The following SLC4A7 variants were observed in gnomAD, a reference collection of about 807,000 sequenced individuals.
The protein encoded by SLC4A7 is solute carrier family 4 member 7.
Under a neutral mutation model 137.6 loss-of-function variants are expected in SLC4A7, and 51 were observed. The observed-to-expected ratio is 0.37, with a 90% confidence interval of 0.30 to 0.47. The LOEUF (loss-of-function observed/expected upper bound fraction) is 0.47, where lower values mean the gene tolerates loss of function less well. SLC4A7 is among the 20% of genes least tolerant of loss of function. The pLI is 1.00. For synonymous variants in SLC4A7, 542 were observed against 518.6 expected (o/e 1.05, Z -0.61); for missense variants, 1,247 against 1,525.4 (o/e 0.82, Z 3.04).
At chr3:27,455,669 G>T (rs938696477) in intron 1 of SLC4A7, among the ~76,000 whole-genome samples, 1 of 148,014 alleles carries the variant, frequency 6.8e-6, no homozygotes, top group Middle Eastern at 3.3e-3. Flanking sequence ...CTTGAGGTCA[G>T]GAGTTCAAGA....
chr3:27,427,728 T>C (rs2055797520), intron 7 of SLC4A7, among the ~76,000 whole-genome samples: 1 of 152,188 alleles, frequency 6.6e-6, no homozygotes, highest in African/African-American at 2.4e-5. Context: ...CATGTATAGC[T>C]GTCCCTATTT....
intron 13 of SLC4A7, 88 bp downstream of exon 13, chr3:27,409,268 A>T: frequency 1.9e-6 from 2 of 1,065,740 alleles, no homozygotes; most frequent in Non-Finnish European, 2.7e-6. Flanking sequence ...AGACTCTTCA[A>T]ATAAAAGTAT....
At chr3:27,479,817 A>C (rs1229578899) in intron 1 of SLC4A7, among the ~76,000 whole-genome samples, 1 of 152,236 alleles carries the variant, frequency 6.6e-6, no homozygotes, top group Non-Finnish European at 1.5e-5. Context: ...TACAAATCAA[A>C]AGCTATACTG....
chr3:27,447,772 T>A (rs1007764537), intron 3 of SLC4A7, among the ~76,000 whole-genome samples: 1 of 151,292 alleles, frequency 6.6e-6, no homozygotes, highest in African/African-American at 2.4e-5. Context: ...TTGGTACCAC[T>A]AACTTCTCTG....
At chr3:27,421,836 A>G in intron 8 of SLC4A7, 57 bp from the exon 9 acceptor site, 1 of 1,369,924 alleles carries the variant, frequency 7.3e-7, no homozygotes, top group Non-Finnish European at 1.0e-6. Context: ...AAGACTAGAG[A>G]GAAACAGGAA....
Position 27,484,177 on chromosome 3 carries a change from T to G in SLC4A7, c.-51A>C. 7 of 1,227,408 alleles carry G rather than the reference T, an allele frequency of 5.7e-6. No individual in the cohort carries two copies. Among genetic ancestry groups the G allele is most frequent in the Non-Finnish European group, 7.2e-6 (7 of 977,730 alleles). 76.0% of individuals were successfully genotyped at this position (1,227,408 alleles called of 1,614,324 possible). A position where few individuals can be genotyped will look rare whatever the true frequency, so the allele number is the denominator to read the frequency against. ...CGCTACGGTACTGCCCCGCGCGGTC[T>G]GCCTGCTTCTGCCGCTGCCCCTGCC... is the stretch of plus-strand genomic sequence containing the variant. On this transcript the variant is annotated 5_prime_UTR_variant, in exon 1 of 26. Transcript: ENST00000454389.
chr3:27,449,330 A>G (rs1384541837), intron 2 of SLC4A7, among the ~76,000 whole-genome samples: 1 of 149,926 alleles, frequency 6.7e-6, no homozygotes, highest in Non-Finnish European at 1.5e-5. Context: ...TTTAATAACA[A>G]TTAAATACTT....
chr3:27,429,127 G>A (rs559137873), intron 7 of SLC4A7, among the ~76,000 whole-genome samples: 10 of 151,950 alleles, frequency 6.6e-5, no homozygotes, highest in South Asian at 2.1e-4. Context: ...TTAGCCAGGC[G>A]TGGTGGTGCA....
At chr3:27,426,393 G>C (rs57782526) in intron 7 of SLC4A7, among the ~76,000 whole-genome samples, 8,353 of 152,202 alleles carry the variant, frequency 0.055, 769 homozygotes, top group African/African-American at 0.19. Context: ...AAGTTAACCA[G>C]TGTTTTTCAG....
At chr3:27,466,664 T>TA (rs35870162) in intron 1 of SLC4A7, among the ~76,000 whole-genome samples, 24 of 151,982 alleles carry the variant, frequency 1.6e-4, no homozygotes, top group South Asian at 1.5e-3. Context: ...CCCGTCTCTA[T>TA]AAAAAAATAC....
intron 1 of SLC4A7, among the ~76,000 whole-genome samples, chr3:27,452,934 A>C (rs1399042728): frequency 2.0e-5 from 3 of 152,216 alleles, no homozygotes; most frequent in African/African-American, 7.2e-5. Flanking sequence ...GGTCAAACAT[A>C]AAATTGTCAA....
intron 1 of SLC4A7, among the ~76,000 whole-genome samples, chr3:27,463,354 C>T (rs1213631156): frequency 1.3e-5 from 2 of 152,018 alleles, no homozygotes; most frequent in African/African-American, 4.8e-5. Context: ...AGCGTGGACC[C>T]GGGAGGCGGA....
chr3:27,407,250 G>A (rs1009817764), intron 13 of SLC4A7, among the ~76,000 whole-genome samples: 4 of 151,804 alleles, frequency 2.6e-5, no homozygotes, highest in Non-Finnish European at 4.4e-5. Context: ...GGGAGGCTGA[G>A]GTGGGCAGAT....
intron 3 of SLC4A7, among the ~76,000 whole-genome samples, chr3:27,442,441 CTTT>C (rs68093589): frequency 2.5e-4 from 34 of 136,014 alleles, no homozygotes; most frequent in Admixed American, 5.1e-4. Flanking sequence ...AGCTCATTTT[CTTT>C]TTTTTTTTTT....
intron 7 of SLC4A7, among the ~76,000 whole-genome samples, chr3:27,429,457 C>T (rs753509849): frequency 2.6e-5 from 4 of 151,874 alleles, no homozygotes; most frequent in Admixed American, 2.0e-4. Flanking sequence ...AACATAAATC[C>T]GAGTCTGTAT....
At chr3:27,380,033 G>A (rs1290251158) in intron 24 of SLC4A7, among the ~76,000 whole-genome samples, 1 of 152,200 alleles carries the variant, frequency 6.6e-6, no homozygotes, top group Non-Finnish European at 1.5e-5. Flanking sequence ...AGTAGGCCGG[G>A]CATGGTGGCT....
rs560609471 is a variant in SLC4A7, at chr3:27,375,769, G to A, written c.*995C>T. ...GCTATTAAATGTAATCTACAAAAGTGAAAGAATAACATAAAGAGAAAATGA... is the reference window on the plus strand; with the variant it reads ...GCTATTAAATGTAATCTACAAAAGTAAAAGAATAACATAAAGAGAAAATGA... On this transcript the variant is annotated 3_prime_UTR_variant, in exon 26 of 26. Coordinates refer to ENST00000454389, the MANE Select transcript of SLC4A7 (RefSeq NM_001321103.2). 7.9e-5 allele frequency: 12 copies of A among 152,348 alleles called. No homozygotes were observed. Among genetic ancestry groups the A allele is most frequent in the Non-Finnish European group, 1.5e-4 (10 of 67,862 alleles). 9.4% of individuals were successfully genotyped at this position (152,348 alleles called of 1,614,324 possible).
Position 27,409,440 on chromosome 3 carries a change from G to A in SLC4A7, c.1857C>T (p.Ala619=). ...AGGCACAGTATAGGAAAAGAATCGA[G>A]GCCAGGCACTGCAGGCTTAATGCAT... ...FKDALSLQCL[A]SILFLYCACM... is the part of the protein sequence containing the mutation. Residue 619 remains alanine, a synonymous_variant, in exon 13 of 26, where the codon GCC becomes GCT. Transcript: ENST00000454389. The A allele has an allele frequency of 6.2e-7, 1 of 1,613,784 alleles. No individual in the cohort carries two copies. The highest frequency in any genetic ancestry group is 8.5e-7 in the Non-Finnish European group (1 of 1,179,788).
At chr3:27,454,309 C>T (rs571360700) in intron 1 of SLC4A7, among the ~76,000 whole-genome samples, 8 of 151,910 alleles carry the variant, frequency 5.3e-5, no homozygotes, top group South Asian at 2.1e-4. Context: ...CTACTAAAAA[C>T]GAAAAAATTA....
Sources: allele counts gnomAD v4.1 joint callset (sites outside exome capture counted in the v4.1 genomes callset), GRCh38; gene constraint gnomAD v4.1.1; transcripts MANE v1.5; gene names NCBI Gene and HGNC (gene_info 2026-07-23, HGNC 2026-07-21).